LARP1B: variants seen among roughly 807,000 people sequenced by gnomAD.
LARP1B encodes La ribonucleoprotein 1B.
LARP1B carries 76 observed loss-of-function variants against 114.2 expected under a neutral mutation model. The ratio of observed to expected loss-of-function variants is 0.67; its 90% CI spans 0.55 to 0.81. LARP1B has a LOEUF of 0.81. Among genes scored for constraint, LARP1B ranks in the 30% least tolerant of loss-of-function variants. The pLI is 0.00. For synonymous variants in LARP1B, 345 were observed against 348.0 expected (o/e 0.99, Z 0.10); for missense variants, 1,014 against 1,075.8 (o/e 0.94, Z 0.80).
intron 9 of LARP1B, chr4:128,107,955 A>C (rs1390512754): frequency 2.7e-5 from 41 of 1,533,588 alleles, no homozygotes; most frequent in Non-Finnish European, 3.4e-5. Context: ...TGACTCACTG[A>C]AATGCCTTTA....
chr4:128,204,698 G>A (rs1757068168), intron 17 of LARP1B, among the ~76,000 whole-genome samples: 2 of 151,500 alleles, frequency 1.3e-5, no homozygotes, highest in South Asian at 4.2e-4. Flanking sequence ...AAATAAAATG[G>A]CTTAAAGAGT....
intron 16 of LARP1B, 91 bp from the exon 17 acceptor site, chr4:128,200,430 G>C (rs908485115): frequency 2.3e-6 from 2 of 857,630 alleles, no homozygotes; most frequent in African/African-American, 3.5e-5. Context: ...GATTAATATG[G>C]TTGAGCTTTC....
At chr4:128,209,382 C>A (rs984965507) in intron 19 of LARP1B, among the ~76,000 whole-genome samples, 4 of 152,138 alleles carry the variant, frequency 2.6e-5, no homozygotes, top group African/African-American at 9.7e-5. Flanking sequence ...TGTGGCACCA[C>A]TGCACATCAG....
intron 5 of LARP1B, among the ~76,000 whole-genome samples, chr4:128,086,874 C>T (rs1456493533): frequency 6.6e-6 from 1 of 151,930 alleles, no homozygotes; most frequent in Non-Finnish European, 1.5e-5. Context: ...GATTTTGGCT[C>T]ACTGCCTTCC....
intron 11 of LARP1B, chr4:128,123,600 A>G (rs1788677699): frequency 1.1e-5 from 5 of 436,002 alleles, no homozygotes; most frequent in Non-Finnish European, 1.5e-5. Context: ...ATTTTTTTCT[A>G]TTTGTTCATT....
intron 11 of LARP1B, among the ~76,000 whole-genome samples, chr4:128,132,720 G>A (rs1043973097): frequency 6.6e-6 from 1 of 152,020 alleles, no homozygotes; most frequent in Non-Finnish European, 1.5e-5. Flanking sequence ...TTTGATACCA[G>A]AGACTAATTT....
At chr4:128,077,232 G>C (rs13139685) in intron 3 of LARP1B, among the ~76,000 whole-genome samples, 98,673 of 151,868 alleles carry the variant, frequency 0.65, 32,336 homozygotes, top group Middle Eastern at 0.82. Context: ...GGTGCAATGG[G>C]TCATGCGTGT....
At chr4:128,062,814 AAAT>A (rs1760788614) in intron 1 of LARP1B, among the ~76,000 whole-genome samples, 1 of 151,776 alleles carries the variant, frequency 6.6e-6, no homozygotes, top group African/African-American at 2.4e-5. Flanking sequence ...ACCTAATGTT[AAAT>A]GACGAGTTGA....
Position 128,208,781 on chromosome 4 carries a change from C to T in LARP1B, c.2548-1075C>T, listed in dbSNP as rs536074518. ...GATACCTTTTCACTGGGTACTTAAA[C>T]GTTTGAAGATGTTTAAATTTGGTGC... On this transcript the variant is annotated intron_variant, in intron 19 of 19. Transcript: ENST00000326639. 5.9e-5 allele frequency among the ~76,000 whole-genome samples: 9 copies of T among 152,274 alleles called. No homozygotes were observed. In the South Asian group the frequency reaches 6.2e-4, roughly 11 times the overall value.
intron 15 of LARP1B, among the ~76,000 whole-genome samples, chr4:128,181,989 T>C (rs1280801693): frequency 6.6e-6 from 1 of 151,384 alleles, no homozygotes; most frequent in African/African-American, 2.4e-5. Flanking sequence ...TTTTTGTATT[T>C]TTTTAGTAGA....
At chr4:128,145,298 T>A (rs563173008) in intron 11 of LARP1B, among the ~76,000 whole-genome samples, 20 of 152,278 alleles carry the variant, frequency 1.3e-4, no homozygotes, top group African/African-American at 4.8e-4. Context: ...TGGACCTTAT[T>A]CTGTAGCATG....
chr4:128,077,712 T>C, intron 3 of LARP1B, 76 bp from the exon 4 acceptor site: 1 of 1,412,510 alleles, frequency 7.1e-7, no homozygotes, highest in Middle Eastern at 2.7e-4. Flanking sequence ...TTAGGTTAGG[T>C]ATATTGCCAC....
intron 11 of LARP1B, among the ~76,000 whole-genome samples, chr4:128,156,972 A>G (rs908746593): frequency 3.3e-5 from 5 of 151,906 alleles, no homozygotes; most frequent in African/African-American, 1.2e-4. Context: ...TTCCATCCTA[A>G]GCCTCAAGCT....
intron 19 of LARP1B, among the ~76,000 whole-genome samples, 197 bp downstream of exon 19, chr4:128,207,580 T>A (rs1284630891): frequency 6.6e-6 from 1 of 152,386 alleles, no homozygotes; most frequent in East Asian, 1.9e-4. Flanking sequence ...AATGTTAACA[T>A]CTTGTATAAC....
intron 10 of LARP1B, among the ~76,000 whole-genome samples, chr4:128,118,466 T>C (rs1306375314): frequency 6.6e-6 from 1 of 150,992 alleles, no homozygotes; most frequent in East Asian, 2.0e-4. Context: ...TTGATCTCCT[T>C]ACCTCGTGAT....
intron 5 of LARP1B, among the ~76,000 whole-genome samples, chr4:128,085,661 C>T (rs1773193084): frequency 6.6e-6 from 1 of 152,146 alleles, no homozygotes; most frequent in South Asian, 2.1e-4. Context: ...AGCCACCGCA[C>T]TTAGCTTCTC....
At chr4:128,151,755 ACC>A (rs1732893968) in intron 11 of LARP1B, among the ~76,000 whole-genome samples, 15 of 152,028 alleles carry the variant, frequency 9.9e-5, no homozygotes, top group Admixed American at 8.5e-4. Context: ...GGCATGCACT[ACC>A]ATGTCTGGCT....
intron 11 of LARP1B, chr4:128,155,996 C>G: frequency 6.4e-7 from 1 of 1,550,494 alleles, no homozygotes; most frequent in Middle Eastern, 2.2e-4. Flanking sequence ...CCTTGTATCT[C>G]CCTTTCCCCA....
chr4:128,178,845 C>T (rs1202019085), intron 14 of LARP1B, among the ~76,000 whole-genome samples: 1 of 152,102 alleles, frequency 6.6e-6, no homozygotes, highest in East Asian at 1.9e-4. Context: ...TGTAATCCAA[C>T]ACTTTGGGAG....
Sources: allele counts gnomAD v4.1 joint callset (sites outside exome capture counted in the v4.1 genomes callset), GRCh38; gene constraint gnomAD v4.1.1; transcripts MANE v1.5; gene names NCBI Gene and HGNC (gene_info 2026-07-23, HGNC 2026-07-21).